The following SMARCAD1 variants were observed in gnomAD, a reference collection of about 807,000 sequenced individuals.
SMARCAD1 encodes the protein SNF2 related chromatin remodeling ATPase with DExD box 1.
A neutral mutation model predicts 127.1 loss-of-function variants in SMARCAD1; 25 were observed. The observed-to-expected ratio is 0.20, with a 90% confidence interval of 0.14 to 0.27. The LOEUF is 0.27. SMARCAD1 is among the 10% of genes least tolerant of loss of function. The pLI is 1.00. For missense variants in SMARCAD1, 807 were observed against 1,206.0 expected (o/e 0.67, Z 4.90); for synonymous variants, 400 against 396.9 (o/e 1.01, Z -0.09).
At chr4:94,229,197 T>C (rs1393880035) in intron 3 of SMARCAD1, among the ~76,000 whole-genome samples, 1 of 152,184 alleles carries the variant, frequency 6.6e-6, no homozygotes, top group Non-Finnish European at 1.5e-5. Flanking sequence ...TGGGTAATAG[T>C]CCTATTCGCT....
intron 2 of SMARCAD1, among the ~76,000 whole-genome samples, chr4:94,211,374 G>C (rs1357101589): frequency 6.6e-6 from 1 of 152,210 alleles, no homozygotes; most frequent in African/African-American, 2.4e-5. Flanking sequence ...ATTCAGAATT[G>C]AGTGTTGGAT....
At chr4:94,281,635 ATTATTG>A (rs753672200) in intron 21 of SMARCAD1, 45 bp downstream of exon 21, 49 of 1,215,846 alleles carry the variant, frequency 4.0e-5, no homozygotes, top group Non-Finnish European at 5.5e-5. Context: ...CTCATTTATT[ATTATTG>A]TTAGGATTTT....
chr4:94,274,517 A>G (rs1752993036), intron 12 of SMARCAD1, among the ~76,000 whole-genome samples: 1 of 152,026 alleles, frequency 6.6e-6, no homozygotes, highest in African/African-American at 2.4e-5. Flanking sequence ...GGGTTTCACC[A>G]TGTTGGCCAG....
intron 2 of SMARCAD1, among the ~76,000 whole-genome samples, chr4:94,223,113 A>AC (rs1163032171): frequency 6.6e-6 from 1 of 151,838 alleles, no homozygotes; most frequent in Non-Finnish European, 1.5e-5. Context: ...AAATTTTTAG[A>AC]CCCCCCTACA....
chr4:94,263,457 T>TA (rs1162641781), intron 9 of SMARCAD1, among the ~76,000 whole-genome samples: 2 of 152,002 alleles, frequency 1.3e-5, no homozygotes, highest in Non-Finnish European at 2.9e-5. Context: ...GTGAAAAATA[T>TA]AGAGTAGTAT....
intron 23 of SMARCAD1, among the ~76,000 whole-genome samples, chr4:94,285,868 G>A (rs1754868455): frequency 6.6e-6 from 1 of 152,198 alleles, no homozygotes; most frequent in Admixed American, 6.5e-5. Flanking sequence ...TGTGCATGTG[G>A]CAACTTGCCA....
chr4:94,281,994 C>T (rs988180021), intron 21 of SMARCAD1, among the ~76,000 whole-genome samples: 1 of 151,258 alleles, frequency 6.6e-6, no homozygotes, highest in Non-Finnish European at 1.5e-5. Flanking sequence ...GAGCCAAGAT[C>T]GCACCACTGC....
intron 9 of SMARCAD1, 57 bp downstream of exon 9, chr4:94,253,064 C>G: frequency 3.1e-6 from 5 of 1,600,546 alleles, no homozygotes; most frequent in Non-Finnish European, 4.2e-6. Context: ...ATTCACAGTA[C>G]CGGTTATAGT....
intron 10 of SMARCAD1, among the ~76,000 whole-genome samples, chr4:94,268,911 A>T (rs1175803243): frequency 1.3e-5 from 2 of 152,228 alleles, no homozygotes; most frequent in African/African-American, 2.4e-5. Context: ...GGAAATTAAA[A>T]TGTCTATGAT....
chr4:94,272,583 A>G (rs1752690522), intron 11 of SMARCAD1, among the ~76,000 whole-genome samples: 1 of 152,148 alleles, frequency 6.6e-6, no homozygotes, highest in African/African-American at 2.4e-5. Context: ...TATGTAGTAT[A>G]TGCAGTATAC....
intron 2 of SMARCAD1, chr4:94,213,165 A>G: frequency 3.4e-6 from 4 of 1,187,672 alleles, no homozygotes; most frequent in African/African-American, 1.6e-5. Context: ...ATGTAAATAT[A>G]TAGTTAAAAT....
At chr4:94,224,437 C>T (rs1158645224) in intron 2 of SMARCAD1, among the ~76,000 whole-genome samples, 1 of 152,066 alleles carries the variant, frequency 6.6e-6, no homozygotes, top group African/African-American at 2.4e-5. Flanking sequence ...GGGAATGGAA[C>T]CCAAGTCTAA....
chr4:94,227,888 T>C (rs1001074341), intron 3 of SMARCAD1, among the ~76,000 whole-genome samples: 23 of 152,242 alleles, frequency 1.5e-4, no homozygotes. Context: ...GGGACACTAG[T>C]ATAGTATAGC....
chr4:94,270,697 GT>G, intron 10 of SMARCAD1, 30 bp from the exon 11 acceptor site: 5 of 1,545,282 alleles, frequency 3.2e-6, no homozygotes, highest in Non-Finnish European at 3.6e-6. Context: ...AAATATAGAT[GT>G]GTAATATTTG....
chr4:94,286,072 A>G (rs1448067564), intron 23 of SMARCAD1, among the ~76,000 whole-genome samples: 1 of 152,232 alleles, frequency 6.6e-6, no homozygotes, highest in Non-Finnish European at 1.5e-5. Flanking sequence ...ATAGAACCAT[A>G]ATAGTTGATA....
At chr4:94,213,388 G>A (rs1011438641) in intron 2 of SMARCAD1, among the ~76,000 whole-genome samples, 8 of 152,104 alleles carry the variant, frequency 5.3e-5, no homozygotes, top group African/African-American at 1.9e-4. Context: ...TTGCCTCCAA[G>A]AGTCTAATAT....
intron 6 of SMARCAD1, chr4:94,248,641 A>G (rs1748824358): frequency 2.4e-6 from 1 of 414,858 alleles, no homozygotes; most frequent in Admixed American, 2.6e-5. Flanking sequence ...CTCTGGTTTA[A>G]TTCTTCATCC....
At position 94,264,810 on chromosome 4, in the gene SMARCAD1, G is replaced by A; in HGVS notation, c.1385G>A (p.Cys462Tyr). Residue 462 changes from cysteine (C) to tyrosine (Y), a missense_variant, in exon 10 of 24, where the codon TGT (cysteine) becomes TAT (tyrosine). Transcript: ENST00000354268. ...GTAGTTATAAGGCTTATGAACAAAT[G>A]TGAAGACATTTCAAATAAATTGACC... The part of the protein sequence containing the change: ...RDVVIRLMNK[C>Y]EDISNKLTKQ... 6.2e-7 allele frequency: 1 copy of A among 1,613,070 alleles called. No homozygotes were observed. Among genetic ancestry groups the A allele is most frequent in the Non-Finnish European group, 8.5e-7 (1 of 1,179,298 alleles).
chr4:94,272,112 C>A (rs1285966089), intron 11 of SMARCAD1, among the ~76,000 whole-genome samples: 2 of 152,148 alleles, frequency 1.3e-5, no homozygotes, highest in Admixed American at 1.3e-4. Flanking sequence ...CTTACTCTGT[C>A]CTTATGTGGC....
Sources: allele counts gnomAD v4.1 joint callset (sites outside exome capture counted in the v4.1 genomes callset), GRCh38; gene constraint gnomAD v4.1.1; transcripts MANE v1.5; gene names NCBI Gene and HGNC (gene_info 2026-07-23, HGNC 2026-07-21).